Variants in KCMF1 observed in about 807,000 individuals in gnomAD.
KCMF1 encodes E3 ubiquitin-protein ligase KCMF1.
In KCMF1, 3 loss-of-function variants were observed where a neutral mutation model predicts 41.1. The observed-to-expected ratio is 0.07, with a 90% CI of 0.03 to 0.19. The LOEUF is 0.19. KCMF1 is among the 10% of genes least tolerant of loss of function. The pLI is 1.00. For missense variants in KCMF1, 286 were observed against 488.9 expected, an observed-to-expected ratio of 0.58 and a Z score of 3.91; for synonymous variants, 142 against 164.5, an observed-to-expected ratio of 0.86 and a Z score of 1.04.
At chr2:84,980,160 G>T (rs938238961) in intron 1 of KCMF1, among the ~76,000 whole-genome samples, 3 of 152,100 alleles carry the variant, frequency 2.0e-5, no homozygotes, top group African/African-American at 7.2e-5. Flanking sequence ...GCCATGTCTT[G>T]ATTTATGTTA....
chr2:84,992,518 G>C (rs1674066768), intron 1 of KCMF1, among the ~76,000 whole-genome samples: 1 of 152,062 alleles, frequency 6.6e-6, no homozygotes, highest in African/African-American at 2.4e-5. Context: ...GGCCCGTTTT[G>C]GCTCTTAGTA....
At chr2:84,982,685 A>G (rs1012439663) in intron 1 of KCMF1, among the ~76,000 whole-genome samples, 1 of 152,044 alleles carries the variant, frequency 6.6e-6, no homozygotes, top group African/African-American at 2.4e-5. Context: ...AGGCTGAGCC[A>G]CCATGCCCGG....
chr2:85,051,855 C>T (rs1424976759), intron 6 of KCMF1, among the ~76,000 whole-genome samples: 1 of 152,180 alleles, frequency 6.6e-6, no homozygotes, highest in Non-Finnish European at 1.5e-5. Flanking sequence ...ATTTTCAAGG[C>T]AAGGAGAACG....
chr2:85,008,834 A>C (rs1220417424), intron 1 of KCMF1, among the ~76,000 whole-genome samples: 1 of 144,880 alleles, frequency 6.9e-6, no homozygotes, highest in East Asian at 2.0e-4. Context: ...GCTCAATCTC[A>C]CCTCACTGCA....
At chr2:85,020,964 G>A (rs1269525254) in intron 1 of KCMF1, among the ~76,000 whole-genome samples, 1 of 151,958 alleles carries the variant, frequency 6.6e-6, no homozygotes, top group Non-Finnish European at 1.5e-5. Context: ...CGACCTCCTG[G>A]GCTGAAGCAA....
At chr2:85,021,809 G>GTGTTT (rs749359667) in intron 1 of KCMF1, among the ~76,000 whole-genome samples, 244 of 152,048 alleles carry the variant, frequency 1.6e-3, no homozygotes, top group African/African-American at 1.7e-3. Context: ...GAATCCCATG[G>GTGTTT]TGTTTTGTTT....
chr2:85,003,701 G>T (rs573665583), intron 1 of KCMF1, among the ~76,000 whole-genome samples: 2 of 152,024 alleles, frequency 1.3e-5, no homozygotes, highest in African/African-American at 2.4e-5. Context: ...GAATCCTCCT[G>T]CCTAGGATTA....
In KCMF1 at chr2:84,994,283, A is replaced by G. The variant is rs146136768; in HGVS notation, c.16+22816A>G. ...ATTTTAAAGCAAATTTCAGACCTGCATATCCTTTTACTCACAAATATTTCT... is the reference window on the plus strand; with the variant it reads ...ATTTTAAAGCAAATTTCAGACCTGCGTATCCTTTTACTCACAAATATTTCT... On this transcript the variant is annotated intron_variant, in intron 1 of 6. Coordinates refer to ENST00000409785, the MANE Select transcript of KCMF1 (RefSeq NM_020122.5). 1.3e-3 allele frequency among the ~76,000 whole-genome samples: 202 copies of G among 152,100 alleles called. 1 individual carries two copies. The East Asian group carries it at 0.017, about 13-fold the overall frequency.
intron 6 of KCMF1, among the ~76,000 whole-genome samples, chr2:85,049,918 G>A (rs920123764): frequency 4.6e-5 from 7 of 152,080 alleles, no homozygotes; most frequent in African/African-American, 1.7e-4. Context: ...CAGCACTTTG[G>A]GAGGCCAAGG....
At chr2:85,005,291 TA>T (rs1344899954) in intron 1 of KCMF1, among the ~76,000 whole-genome samples, 4 of 151,708 alleles carry the variant, frequency 2.6e-5, no homozygotes, top group African/African-American at 4.8e-5. Context: ...TTTATTTATT[TA>T]TTTATTTTTT....
intron 1 of KCMF1, among the ~76,000 whole-genome samples, chr2:85,015,074 T>C (rs867635379): frequency 9.1e-5 from 13 of 142,572 alleles, no homozygotes; most frequent in African/African-American, 3.2e-4. Flanking sequence ...AGAAGTCTTA[T>C]ACCAAGGAGG....
chr2:84,992,276 G>A (rs1279671321), intron 1 of KCMF1, among the ~76,000 whole-genome samples: 2 of 152,002 alleles, frequency 1.3e-5, no homozygotes, highest in Non-Finnish European at 2.9e-5. Flanking sequence ...CTTTTTTTGA[G>A]ATGGAATCTC....
chr2:84,972,880 C>T (rs1424916331), intron 1 of KCMF1, among the ~76,000 whole-genome samples: 3 of 152,116 alleles, frequency 2.0e-5, no homozygotes, highest in Non-Finnish European at 4.4e-5. Context: ...TTACAGTGTT[C>T]AAGTGTTGGG....
At chr2:85,042,417 C>T (rs148458862) in intron 3 of KCMF1, among the ~76,000 whole-genome samples, 4 of 152,328 alleles carry the variant, frequency 2.6e-5, no homozygotes, top group Admixed American at 2.0e-4. Context: ...CTCCCCTCAT[C>T]TCCAGCGCTA....
intron 3 of KCMF1, among the ~76,000 whole-genome samples, chr2:85,041,752 A>G (rs1486777657): frequency 6.8e-6 from 1 of 147,650 alleles, no homozygotes; most frequent in Non-Finnish European, 1.5e-5. Flanking sequence ...TTCTCCAAAC[A>G]TTGCTGGTCT....
intron 4 of KCMF1, among the ~76,000 whole-genome samples, chr2:85,045,063 A>T (rs368684581): frequency 1.3e-5 from 2 of 152,082 alleles, no homozygotes; most frequent in East Asian, 3.9e-4. Flanking sequence ...CCTGGACAAC[A>T]TAGGAAGACC....
intron 1 of KCMF1, among the ~76,000 whole-genome samples, chr2:85,022,707 TA>T (rs1674974998): frequency 6.6e-6 from 1 of 152,124 alleles, no homozygotes; most frequent in Admixed American, 6.6e-5. Context: ...TGGCCAGATG[TA>T]AAAACGTTGC....
At chr2:84,997,877 C>G (rs1674214878) in intron 1 of KCMF1, among the ~76,000 whole-genome samples, 2 of 135,020 alleles carry the variant, frequency 1.5e-5, no homozygotes, top group African/African-American at 5.6e-5. Context: ...TTCAAGTGTT[C>G]TCATGCCTCG....
At chr2:84,982,384 A>ATTTTCTTTTT (rs1673783378) in intron 1 of KCMF1, among the ~76,000 whole-genome samples, 1 of 35,880 alleles carries the variant, frequency 2.8e-5, no homozygotes, top group Non-Finnish European at 5.5e-5. Context: ...TGTGTTCCTT[A>ATTTTCTTTTT]TTTTCTTTTT....
Sources: gnomAD v4.1 joint callset for allele counts (sites outside exome capture counted in the v4.1 genomes callset) on GRCh38, gnomAD v4.1.1 for gene constraint, MANE v1.5 for transcripts, NCBI Gene and HGNC (gene_info 2026-07-23, HGNC 2026-07-21) for gene names.